The following CARMIL1 variants were observed in gnomAD, a reference collection of about 807,000 sequenced individuals.
The protein encoded by CARMIL1 is F-actin-uncapping protein LRRC16A.
Under a neutral mutation model 177.1 loss-of-function variants are expected in CARMIL1, and 90 were observed. That is an observed-to-expected ratio of 0.51 (90% confidence interval 0.43 to 0.61). CARMIL1 has a LOEUF of 0.61. CARMIL1 is among the 20% of genes least tolerant of loss of function. CARMIL1 has a pLI of 0.00. For missense variants in CARMIL1, 1,380 were observed against 1,667.0 expected, an observed-to-expected ratio of 0.83 and a Z score of 3.00; for synonymous variants, 577 against 606.2, an observed-to-expected ratio of 0.95 and a Z score of 0.71.
chr6:25,389,473 CA>C (rs1363788782), intron 2 of CARMIL1, among the ~76,000 whole-genome samples: 1 of 152,062 alleles, frequency 6.6e-6, no homozygotes, highest in Non-Finnish European at 1.5e-5. Context: ...GTGGCATAGT[CA>C]AATTGTTTTG....
Position 25,619,594 on chromosome 6 carries a change from C to A in CARMIL1, c.*11C>A. On this transcript the variant is annotated 3_prime_UTR_variant, in exon 37 of 37. Transcript: ENST00000329474. ...TTTATTTTTGTGTAAAGGTCACCCA[C>A]GCAGAAGTCTTCCTGTGCAGGGTGC... 1 of 1,612,198 alleles carries A rather than the reference C, an allele frequency of 6.2e-7. No individual in the cohort carries two copies. Among genetic ancestry groups the A allele is most frequent in the Non-Finnish European group, 8.5e-7 (1 of 1,179,026 alleles).
At chr6:25,540,132 G>A in intron 26 of CARMIL1, 54 bp downstream of exon 26, 2 of 1,487,360 alleles carry the variant, frequency 1.3e-6, no homozygotes, top group Non-Finnish European at 1.8e-6. Flanking sequence ...AACTACGCAT[G>A]ATAGCATTTC....
intron 2 of CARMIL1, among the ~76,000 whole-genome samples, chr6:25,341,099 T>G (rs1270433581): frequency 1.3e-5 from 2 of 152,176 alleles, no homozygotes; most frequent in African/African-American, 4.8e-5. Context: ...CATCCTTGTT[T>G]GATCTCATGA....
chr6:25,434,518 A>AT (rs5875039), intron 4 of CARMIL1, among the ~76,000 whole-genome samples: 2,660 of 101,696 alleles, frequency 0.026, 68 homozygotes, highest in South Asian at 0.048. Context: ...GCTCAAAACC[A>AT]TTTTTTTTTT....
intron 2 of CARMIL1, among the ~76,000 whole-genome samples, chr6:25,334,000 C>T (rs377110058): frequency 6.6e-6 from 1 of 152,296 alleles, no homozygotes; most frequent in African/African-American, 2.4e-5. Context: ...ATTCTTTCTC[C>T]TCTGCTGGTG....
At chr6:25,286,266 T>C (rs1781518897) in intron 2 of CARMIL1, among the ~76,000 whole-genome samples, 1 of 152,266 alleles carries the variant, frequency 6.6e-6, no homozygotes, top group African/African-American at 2.4e-5. Flanking sequence ...GAGAATCTTC[T>C]AAAATATCTA....
intron 16 of CARMIL1, among the ~76,000 whole-genome samples, chr6:25,499,356 T>TG (rs1804078119): frequency 6.6e-6 from 1 of 152,238 alleles, no homozygotes; most frequent in African/African-American, 2.4e-5. Context: ...CCATCTTATG[T>TG]TCATCTCTAT....
chr6:25,385,719 G>C (rs776191062), intron 2 of CARMIL1, among the ~76,000 whole-genome samples: 1 of 152,160 alleles, frequency 6.6e-6, no homozygotes, highest in Non-Finnish European at 1.5e-5. Context: ...ATTTGGATCA[G>C]TCAGCACTAA....
At chr6:25,399,595 T>C (rs1275600930) in intron 2 of CARMIL1, among the ~76,000 whole-genome samples, 2 of 152,214 alleles carry the variant, frequency 1.3e-5, no homozygotes, top group African/African-American at 2.4e-5. Flanking sequence ...GTGAAAAATA[T>C]AAGTTTTGTT....
intron 13 of CARMIL1, among the ~76,000 whole-genome samples, chr6:25,491,515 A>G (rs555479258): frequency 2.6e-5 from 4 of 152,260 alleles, no homozygotes; most frequent in Non-Finnish European, 4.4e-5. Flanking sequence ...TCAATATTCC[A>G]TTTGGCCTTT....
chr6:25,416,010 G>A (rs77641330), intron 2 of CARMIL1, among the ~76,000 whole-genome samples: 1 of 151,956 alleles, frequency 6.6e-6, no homozygotes, highest in South Asian at 2.1e-4. Flanking sequence ...AGTGAGGAGA[G>A]GCACAGATAG....
intron 2 of CARMIL1, among the ~76,000 whole-genome samples, chr6:25,353,945 A>T (rs549026943): frequency 3.9e-5 from 6 of 152,268 alleles, no homozygotes; most frequent in East Asian, 1.9e-4. Flanking sequence ...CTAGAGACAG[A>T]TATTTTGGAT....
chr6:25,608,936 G>A (rs1816250967), intron 35 of CARMIL1, among the ~76,000 whole-genome samples: 2 of 152,184 alleles, frequency 1.3e-5, no homozygotes, highest in East Asian at 1.9e-4. Flanking sequence ...GGGCCACAGT[G>A]GAAGAAGAAT....
At chr6:25,476,865 C>A (rs895091353) in intron 11 of CARMIL1, among the ~76,000 whole-genome samples, 3 of 151,792 alleles carry the variant, frequency 2.0e-5, no homozygotes, top group African/African-American at 2.4e-5. Flanking sequence ...CTGAGGCTAG[C>A]GGATCATGAG....
chr6:25,461,064 C>G (rs554755996), intron 8 of CARMIL1, among the ~76,000 whole-genome samples: 2 of 152,242 alleles, frequency 1.3e-5, no homozygotes, highest in East Asian at 3.9e-4. Context: ...TTTTGATTGG[C>G]ATTGCATTAC....
Position 25,488,396 on chromosome 6 carries a change from T to A in CARMIL1, c.962-86T>A, listed in dbSNP as rs1802877910. 4.3e-6 allele frequency: 4 copies of A among 936,918 alleles called. No homozygotes were observed. The Admixed American group carries it at 5.1e-5, about 12-fold the overall frequency. The allele number at this position is 936,918 out of a possible 1,614,324, so 58.0% of individuals were successfully genotyped here. On this transcript the variant is annotated intron_variant, in intron 12 of 36. Transcript: ENST00000329474. ...GGTTAACCTCAGTCCTGCAATTTGA[T>A]GGAAGTGTTGGGCCATTTATAGAAA...
rs9295662 is a variant in CARMIL1 at position 25,468,541 on chromosome 6, A to G, written c.690+2593A>G. ...AGCCACTGTATCCAGTTTTTAAAAA[A>G]TTTCCTAAACTGATGCACGTAGTGC... On this transcript the variant is annotated intron_variant, in intron 9 of 36. Transcript: ENST00000329474. 6.2e-3 allele frequency among the ~76,000 whole-genome samples: 941 copies of G among 152,370 alleles called. 15 individuals carry two copies. The highest frequency in any genetic ancestry group is 0.021 in the African/African-American group (881 of 41,588).
At chr6:25,550,650 G>T (rs73395735) in intron 26 of CARMIL1, among the ~76,000 whole-genome samples, 2,450 of 152,150 alleles carry the variant, frequency 0.016, 43 homozygotes, top group African/African-American at 0.048. Flanking sequence ...CAGCTGACAC[G>T]CCATAACACT....
At chr6:25,308,094 G>T in intron 2 of CARMIL1, among the ~76,000 whole-genome samples, 1 of 152,190 alleles carries the variant, frequency 6.6e-6, no homozygotes, top group Middle Eastern at 3.2e-3. Flanking sequence ...TGGATATAAA[G>T]TTCTACTTTT....
Sources: gnomAD v4.1 joint callset for allele counts (sites outside exome capture counted in the v4.1 genomes callset) on GRCh38, gnomAD v4.1.1 for gene constraint, MANE v1.5 for transcripts, NCBI Gene and HGNC (gene_info 2026-07-23, HGNC 2026-07-21) for gene names.